Variants in CACNA1C observed in about 807,000 individuals in gnomAD.
CACNA1C encodes the protein calcium voltage-gated channel subunit alpha1 C.
Under a neutral mutation model 229.0 loss-of-function variants are expected in CACNA1C, and 30 were observed. That is an observed-to-expected ratio of 0.13 (90% CI 0.10 to 0.18). CACNA1C has a LOEUF of 0.18. Among genes scored for constraint, CACNA1C ranks in the 10% least tolerant of loss-of-function variants. The pLI is 1.00. For synonymous variants in CACNA1C, 1,114 were observed against 1,132.5 expected (o/e 0.98, Z 0.33); for missense variants, 1,658 against 2,845.0 (o/e 0.58, Z 9.49).
In CACNA1C at chr12:2,115,374, G is replaced by A. The variant is rs2083420296; in HGVS notation, c.200G>A (p.Ser67Asn). Residue 67 changes from serine to asparagine, a missense_variant, in exon 2 of 47, where the codon AGC (serine) becomes AAC (asparagine). By Grantham distance (46) the Ser-to-Asn change is conservative. Around this residue, in one of 20 missense-constraint regions of CACNA1C, gnomAD observed 111 missense variants for 128.0 expected, o/e 0.87. Transcript: ENST00000399655. ...GCCCGGCAGGCTAAGCTGATGGGCA[G>A]CGCTGGCAATGCGACCATCTCCACA... ...DAARQAKLMG[S>N]AGNATISTVS... 6.2e-7 allele frequency: 1 copy of A among 1,605,692 alleles called. No homozygotes were observed. The highest frequency in any genetic ancestry group is 1.3e-5 in the African/African-American group (1 of 74,944).
intron 3 of CACNA1C, among the ~76,000 whole-genome samples, chr12:2,309,630 A>G (rs1246083698): frequency 6.6e-6 from 1 of 152,242 alleles, no homozygotes; most frequent in Non-Finnish European, 1.5e-5. Context: ...TTATACCTCA[A>G]TAAAGCTGGG....
At chr12:1,991,147 T>A (rs1201244432) in intron 1 of CACNA1C, 1 of 456,142 alleles carries the variant, frequency 2.2e-6, no homozygotes, top group African/African-American at 2.0e-5. Context: ...TGTTTAATAG[T>A]AGAGCAGTAC....
At chr12:2,517,712 A>T (rs2239106) in intron 9 of CACNA1C, among the ~76,000 whole-genome samples, 26,609 of 152,192 alleles carry the variant, frequency 0.17, 2,909 homozygotes, top group African/African-American at 0.29. Flanking sequence ...CAGAACTGTC[A>T]TTAGTGCAGG....
intron 3 of CACNA1C, among the ~76,000 whole-genome samples, chr12:2,378,053 G>A (rs1176981297): frequency 1.3e-5 from 2 of 152,194 alleles, no homozygotes; most frequent in African/African-American, 4.8e-5. Flanking sequence ...CCCCCGCAGA[G>A]CCGAGTCATG....
chr12:2,016,755 C>T (rs2045455000), intron 1 of CACNA1C, among the ~76,000 whole-genome samples: 1 of 152,180 alleles, frequency 6.6e-6, no homozygotes, highest in Non-Finnish European at 1.5e-5. Context: ...GAGAACAGTA[C>T]CTGATCTACC....
chr12:2,416,699 C>A (rs1038035213), intron 3 of CACNA1C, among the ~76,000 whole-genome samples: 1 of 152,192 alleles, frequency 6.6e-6, no homozygotes, highest in African/African-American at 2.4e-5. Flanking sequence ...TGCCAGGGAA[C>A]GTCTCCATCA....
chr12:2,355,353 G>A (rs892671735), intron 3 of CACNA1C, among the ~76,000 whole-genome samples: 4 of 150,932 alleles, frequency 2.7e-5, no homozygotes, highest in Non-Finnish European at 1.5e-5. Context: ...CCCCATCCAG[G>A]ACCTCCCACC....
chr12:2,552,293 G>C (rs60153887), intron 10 of CACNA1C, among the ~76,000 whole-genome samples: 5,230 of 150,042 alleles, frequency 0.035, 296 homozygotes, highest in African/African-American at 0.12. Flanking sequence ...TAGTGTGGGA[G>C]AGACACTATG....
intron 10 of CACNA1C, among the ~76,000 whole-genome samples, chr12:2,554,896 G>A (rs544659331): frequency 1.3e-5 from 2 of 152,312 alleles, no homozygotes; most frequent in Admixed American, 6.5e-5. Context: ...CCATTTGGCG[G>A]TTGCTTGTCA....
intron 34 of CACNA1C, among the ~76,000 whole-genome samples, chr12:2,662,797 C>T (rs2095834909): frequency 1.3e-5 from 2 of 152,184 alleles, no homozygotes; most frequent in Non-Finnish European, 2.9e-5. Flanking sequence ...AACAAATAAA[C>T]CTGAGGAATG....
In CACNA1C at chr12:2,679,850, C is replaced by A; in HGVS notation, c.5444+54C>A. 1 of 1,281,714 alleles carries A rather than the reference C, an allele frequency of 7.8e-7. No homozygotes were observed. Among genetic ancestry groups the A allele is most frequent in the South Asian group, 1.5e-5 (1 of 68,886 alleles). The allele number at this position is 1,281,714 out of a possible 1,614,324, so 79.4% of individuals were successfully genotyped here. On this transcript the variant is annotated intron_variant, in intron 42 of 46. Coordinates refer to ENST00000399655, the MANE Select transcript of CACNA1C (RefSeq NM_000719.7). The surrounding 1 kb of genome is among the most constrained non-coding windows in gnomAD (Gnocchi z 5.5). ...GCACACAGGGCCCACGTGCTGCAACCCTCAGGAGACAGTGGAGGAGACGGA... is the reference window on the plus strand; with the variant it reads ...GCACACAGGGCCCACGTGCTGCAACACTCAGGAGACAGTGGAGGAGACGGA...
At chr12:2,122,876 C>A (rs543490467) in intron 3 of CACNA1C, among the ~76,000 whole-genome samples, 2 of 152,322 alleles carry the variant, frequency 1.3e-5, no homozygotes, top group African/African-American at 4.8e-5. Flanking sequence ...CATTACAACC[C>A]GAGAGAACTC....
intron 1 of CACNA1C, chr12:2,018,168 C>T (rs2045734560): frequency 6.6e-6 from 1 of 152,166 alleles, no homozygotes; most frequent in African/African-American, 2.4e-5. Flanking sequence ...AGAATGTCCA[C>T]GTAAACACTG....
At chr12:2,204,564 C>T (rs2097694642) in intron 3 of CACNA1C, among the ~76,000 whole-genome samples, 1 of 151,116 alleles carries the variant, frequency 6.6e-6, no homozygotes, top group South Asian at 2.1e-4. Context: ...CAATGATAGA[C>T]TGGATTAAGA....
intron 30 of CACNA1C, among the ~76,000 whole-genome samples, chr12:2,637,423 G>C (rs762728110): frequency 6.6e-6 from 1 of 152,144 alleles, no homozygotes. Flanking sequence ...ACCCACAGTC[G>C]AAAGCCCTGT....
intron 22 of CACNA1C, chr12:2,603,668 A>G (rs1330426984): frequency 6.6e-6 from 1 of 152,010 alleles, no homozygotes; most frequent in Non-Finnish European, 1.5e-5. Context: ...GTAGCCCGAG[A>G]CTCCGAGAAG....
chr12:2,534,258 G>A (rs1434270961), intron 9 of CACNA1C, among the ~76,000 whole-genome samples: 1 of 152,316 alleles, frequency 6.6e-6, no homozygotes, highest in East Asian at 1.9e-4. Context: ...CAGAGAGTAG[G>A]ACTGAGTGCA....
chr12:2,227,029 G>A (rs1216005541), intron 3 of CACNA1C, among the ~76,000 whole-genome samples: 1 of 152,174 alleles, frequency 6.6e-6, no homozygotes, highest in Non-Finnish European at 1.5e-5. Flanking sequence ...TGGCCTGTGT[G>A]GGGAGGCAGT....
intron 6 of CACNA1C, among the ~76,000 whole-genome samples, chr12:2,490,924 G>A (rs2154571397): frequency 6.6e-6 from 1 of 152,272 alleles, no homozygotes; most frequent in Non-Finnish European, 1.5e-5. Context: ...ACAACTTTAA[G>A]CACTGGCCCA....
Sources: allele counts gnomAD v4.1 joint callset (sites outside exome capture counted in the v4.1 genomes callset), GRCh38; gene constraint gnomAD v4.1.1; regional missense constraint gnomAD v4.1.1; non-coding constraint Gnocchi (gnomAD v3.1); transcripts MANE v1.5; gene names NCBI Gene and HGNC (gene_info 2026-07-23, HGNC 2026-07-21).